Variants in FHIT observed in about 807,000 individuals in gnomAD.
FHIT encodes fragile histidine triad diadenosine triphosphatase, also known as bis(5'-adenosyl)-triphosphatase.
FHIT carries 19 observed loss-of-function variants against 17.9 expected under a neutral mutation model. That is an observed-to-expected ratio of 1.06 (90% CI 0.74 to 1.56). The LOEUF is 1.56. Ranked by LOEUF, FHIT falls within the 40% of genes most tolerant of loss-of-function variation. FHIT has a pLI of 0.00. For missense variants in FHIT, 248 were observed against 189.2 expected (o/e 1.31, Z -1.82); for synonymous variants, 81 against 69.7 (o/e 1.16, Z -0.81).
chr3:60,517,857 C>T (rs2035218950), intron 5 of FHIT, among the ~76,000 whole-genome samples: 1 of 152,124 alleles, frequency 6.6e-6, no homozygotes, highest in African/African-American at 2.4e-5. Context: ...TGTGAAAACA[C>T]CGCTGTGCTT....
At chr3:61,092,194 G>C (rs2035507460) in intron 2 of FHIT, among the ~76,000 whole-genome samples, 1 of 151,990 alleles carries the variant, frequency 6.6e-6, no homozygotes, top group African/African-American at 2.4e-5. Flanking sequence ...CAAGGTGTTT[G>C]ACAGCTCCAA....
intron 5 of FHIT, among the ~76,000 whole-genome samples, chr3:60,223,962 C>T (rs957357418): frequency 6.6e-6 from 1 of 152,086 alleles, no homozygotes; most frequent in Non-Finnish European, 1.5e-5. Flanking sequence ...GGTGCTTGAT[C>T]CTCAGGTTAA....
At chr3:61,076,882 T>C (rs892764156) in intron 2 of FHIT, among the ~76,000 whole-genome samples, 12 of 152,338 alleles carry the variant, frequency 7.9e-5, no homozygotes, top group African/African-American at 2.9e-4. Context: ...CTGTTTCTTT[T>C]GGTTCTTCAT....
At chr3:60,010,440 G>A (rs958025963) in intron 7 of FHIT, among the ~76,000 whole-genome samples, 8 of 152,196 alleles carry the variant, frequency 5.3e-5, no homozygotes, top group Admixed American at 3.9e-4. Flanking sequence ...TCCCAGAATA[G>A]CTGTGTTAAA....
At chr3:59,930,329 T>C (rs1705906165) in intron 7 of FHIT, among the ~76,000 whole-genome samples, 1 of 152,182 alleles carries the variant, frequency 6.6e-6, no homozygotes, top group Non-Finnish European at 1.5e-5. Flanking sequence ...CAGACCCCAC[T>C]TGTAGCAATG....
chr3:60,227,730 G>C (rs1041199274), intron 5 of FHIT, among the ~76,000 whole-genome samples: 1 of 152,124 alleles, frequency 6.6e-6, no homozygotes, highest in Admixed American at 6.5e-5. Flanking sequence ...GATTTGGGAA[G>C]AGCCATTTAC....
intron 7 of FHIT, among the ~76,000 whole-genome samples, chr3:59,998,956 C>G (rs910793644): frequency 6.6e-6 from 1 of 152,128 alleles, no homozygotes; most frequent in African/African-American, 2.4e-5. Context: ...TTGCCTCCCT[C>G]CGGCACTTTA....
chr3:60,390,919 C>G (rs2107152032), intron 5 of FHIT, among the ~76,000 whole-genome samples: 2 of 152,182 alleles, frequency 1.3e-5, no homozygotes, highest in African/African-American at 4.8e-5. Flanking sequence ...GTGGCTCATG[C>G]CTGTAATCCC....
chr3:60,581,448 T>C (rs1453176527), intron 4 of FHIT, among the ~76,000 whole-genome samples: 2 of 152,098 alleles, frequency 1.3e-5, no homozygotes, highest in Admixed American at 1.3e-4. Context: ...TTTGTACATA[T>C]TATCTCCTCT....
At chr3:59,826,814 G>T (rs1245515416) in intron 8 of FHIT, among the ~76,000 whole-genome samples, 3 of 152,222 alleles carry the variant, frequency 2.0e-5, no homozygotes, top group Non-Finnish European at 4.4e-5. Flanking sequence ...TATGGCTCCA[G>T]TAAGGCTTTG....
chr3:60,569,747 ATATATATAT>A (rs1227066412), intron 4 of FHIT, among the ~76,000 whole-genome samples: 1 of 61,214 alleles, frequency 1.6e-5, no homozygotes, highest in African/African-American at 6.1e-5. Flanking sequence ...ATATATATAT[ATATATATAT>A]TTTTTTTTTT....
chr3:61,196,941 A>G (rs1041895047), intron 2 of FHIT, among the ~76,000 whole-genome samples: 1 of 152,142 alleles, frequency 6.6e-6, no homozygotes, highest in African/African-American at 2.4e-5. Flanking sequence ...GCCAGCAAAC[A>G]AGGGAGCCCA....
At chr3:60,221,736 C>T (rs1192429183) in intron 5 of FHIT, among the ~76,000 whole-genome samples, 1 of 152,028 alleles carries the variant, frequency 6.6e-6, no homozygotes, top group Admixed American at 6.6e-5. Context: ...CCTGGAATAC[C>T]CTTCCCATAG....
At chr3:59,856,825 T>G (rs1023537499) in intron 8 of FHIT, among the ~76,000 whole-genome samples, 3 of 151,732 alleles carry the variant, frequency 2.0e-5, no homozygotes, top group African/African-American at 7.3e-5. Context: ...TAAGCAATAA[T>G]AAGTTACAGC....
At chr3:61,042,861 C>CT (rs927559914) in intron 2 of FHIT, among the ~76,000 whole-genome samples, 12 of 151,584 alleles carry the variant, frequency 7.9e-5, no homozygotes, top group Admixed American at 2.0e-4. Context: ...AAATTAAACA[C>CT]TTTTTTTTAA....
chr3:60,562,313 T>C (rs2036981548), intron 4 of FHIT, among the ~76,000 whole-genome samples: 1 of 152,194 alleles, frequency 6.6e-6, no homozygotes, highest in Non-Finnish European at 1.5e-5. Flanking sequence ...AATGAGTTAG[T>C]AACATTTTCA....
At chr3:59,868,503 T>C (rs1464646032) in intron 8 of FHIT, among the ~76,000 whole-genome samples, 1 of 152,260 alleles carries the variant, frequency 6.6e-6, no homozygotes, top group African/African-American at 2.4e-5. Flanking sequence ...CACACCATCC[T>C]GCTATCAACA....
intron 3 of FHIT, among the ~76,000 whole-genome samples, chr3:60,948,148 G>C (rs541757984): frequency 6.6e-6 from 1 of 152,250 alleles, no homozygotes; most frequent in African/African-American, 2.4e-5. Flanking sequence ...ACTTAGACCA[G>C]GTGCTAGGTG....
chr3:61,189,433 A>T (rs1365882525), intron 2 of FHIT, among the ~76,000 whole-genome samples: 3 of 152,198 alleles, frequency 2.0e-5, no homozygotes, highest in Non-Finnish European at 4.4e-5. Context: ...GAAATAAAAG[A>T]GGATACAAAC....
Sources: allele counts gnomAD v4.1 joint callset (sites outside exome capture counted in the v4.1 genomes callset), GRCh38; gene constraint gnomAD v4.1.1; transcripts MANE v1.5; gene names NCBI Gene and HGNC (gene_info 2026-07-23, HGNC 2026-07-21).